The following FAM228B variants were observed in gnomAD, a reference collection of about 807,000 sequenced individuals.
The protein encoded by FAM228B is family with sequence similarity 228 member B.
A neutral mutation model predicts 42.6 loss-of-function variants in FAM228B; 38 were observed. That is an observed-to-expected ratio of 0.89 (90% CI 0.69 to 1.17). FAM228B has a LOEUF of 1.17. Among genes scored for constraint, FAM228B ranks in the 50% most tolerant of loss-of-function variants. The probability of loss-of-function intolerance (pLI) is 0.00; values close to 1 mark genes in which losing one functional copy is unlikely to be tolerated. For missense variants in FAM228B, 344 were observed against 367.3 expected, an observed-to-expected ratio of 0.94 and a Z score of 0.52; for synonymous variants, 109 against 122.3, an observed-to-expected ratio of 0.89 and a Z score of 0.72.
intron 7 of FAM228B, among the ~76,000 whole-genome samples, chr2:24,158,042 T>TCCCTCAGTTA (rs1227638315): frequency 6.6e-6 from 1 of 152,066 alleles, no homozygotes; most frequent in African/African-American, 2.4e-5. Flanking sequence ...GATTCCTGTG[T>TCCCTCAGTTA]CCCTCAGTTA....
chr2:24,158,062 C>T (rs1254288397), intron 7 of FAM228B, among the ~76,000 whole-genome samples: 3 of 152,086 alleles, frequency 2.0e-5, no homozygotes, highest in Non-Finnish European at 2.9e-5. Context: ...AAAATGTGAT[C>T]TCTTTGGAAT....
chr2:24,082,835 A>G (rs1246038073), intron 2 of FAM228B: 1 of 1,537,594 alleles, frequency 6.5e-7, no homozygotes. Flanking sequence ...TGGCTGATTT[A>G]TGAAGGTGTT....
rs1418745651 is a variant in FAM228B at position 24,077,437 on chromosome 2, A to G, written c.-290+468A>G. On this transcript the variant is annotated intron_variant, in intron 1 of 10. Coordinates refer to the FAM228B transcript ENST00000613899. The surrounding 1 kb of genome is among the most constrained non-coding windows in gnomAD (Gnocchi z 5.5). ...GCCCCAGTCCGCGTGCCACCCTTCCAGTTCACTCTTTATTTCCTCATATCA... is the reference window on the plus strand; with the variant it reads ...GCCCCAGTCCGCGTGCCACCCTTCCGGTTCACTCTTTATTTCCTCATATCA... The G allele has an allele frequency of 1.0e-6, 1 of 974,960 alleles. No homozygotes were observed. Among genetic ancestry groups the G allele is most frequent in the Non-Finnish European group, 1.4e-6 (1 of 709,500 alleles). 60.4% of individuals were successfully genotyped at this position (974,960 alleles called of 1,614,324 possible).
intron 2 of FAM228B, among the ~76,000 whole-genome samples, chr2:24,087,549 G>A (rs1665288733): frequency 6.6e-6 from 1 of 152,068 alleles, no homozygotes; most frequent in South Asian, 2.1e-4. Context: ...AGGATGAGCT[G>A]GTCACCAGAA....
chr2:24,144,731 C>T (rs1324183119), intron 5 of FAM228B, among the ~76,000 whole-genome samples: 1 of 152,142 alleles, frequency 6.6e-6, no homozygotes, highest in Non-Finnish European at 1.5e-5. Context: ...AGGACAGGCC[C>T]CACCTGCAGC....
chr2:24,161,607 T>C lies in FAM228B; in HGVS notation c.788T>C (p.Ile263Thr), dbSNP rs1459851396. 4 of 1,519,324 alleles carry C rather than the reference T, an allele frequency of 2.6e-6. No homozygotes were observed. The highest frequency in any genetic ancestry group is 1.2e-5 in the South Asian group (1 of 83,310). 94.1% of individuals were successfully genotyped at this position (1,519,324 alleles called of 1,614,324 possible). A position where few individuals can be genotyped will look rare whatever the true frequency, so the allele number is the denominator to read the frequency against. ...TCCCAGGAAGAAGAAAAAACAGTTA[T>C]TTACAAGTAAGTCTGTTCTTCCATA... The part of the protein sequence containing the change: ...LESQEEEKTV[I>T]YKNKGSSFLE... Residue 263 changes from isoleucine (I) to threonine (T), a missense_variant, in exon 8 of 11, where the codon ATT (isoleucine) becomes ACT (threonine). Physicochemically the swap from Ile to Thr is moderately conservative, Grantham distance 89. Coordinates refer to ENST00000615575, the MANE Select transcript of FAM228B (RefSeq NM_001145710.2).
At chr2:24,083,301 G>A in intron 2 of FAM228B, 1 of 1,014,578 alleles carries the variant, frequency 9.9e-7, no homozygotes, top group Non-Finnish European at 1.4e-6. Flanking sequence ...AGAAGAAAAA[G>A]GAGAGGCCAT....
At chr2:24,108,900 C>CAAA (rs138273554) in intron 3 of FAM228B, among the ~76,000 whole-genome samples, 2 of 79,870 alleles carry the variant, frequency 2.5e-5, no homozygotes, top group Admixed American at 1.2e-4. Context: ...GAGTCCGTCT[C>CAAA]AAAAAAAAAA....
At chr2:24,149,063 C>CT (rs1220958721) in intron 7 of FAM228B, among the ~76,000 whole-genome samples, 1 of 152,188 alleles carries the variant, frequency 6.6e-6, no homozygotes, top group Non-Finnish European at 1.5e-5. Context: ...GGGTCTCATT[C>CT]TTTTTTATGG....
intron 7 of FAM228B, among the ~76,000 whole-genome samples, chr2:24,156,247 G>A (rs1026901636): frequency 6.6e-6 from 1 of 152,124 alleles, no homozygotes; most frequent in East Asian, 1.9e-4. Flanking sequence ...TCCTGGTTAT[G>A]GGAAATATCA....
intron 3 of FAM228B, 35 bp from the exon 4 acceptor site, chr2:24,137,874 A>G (rs1367726455): frequency 2.8e-6 from 4 of 1,431,666 alleles, no homozygotes; most frequent in Non-Finnish European, 3.7e-6. Context: ...AAGCTTTAGG[A>G]TAATATATTT....
At chr2:24,082,751 T>G in intron 2 of FAM228B, 1 of 1,236,612 alleles carries the variant, frequency 8.1e-7, no homozygotes, top group Non-Finnish European at 1.1e-6. Context: ...CCTTCTAACA[T>G]GGTTTGAGGA....
At chr2:24,123,253 T>C (rs1330733358), upstream of FAM228B, 2 of 151,788 alleles carry the variant, frequency 1.3e-5, no homozygotes, top group African/African-American at 2.4e-5. Context: ...GCCACCCCGC[T>C]CTGTGGTGCC....
chr2:24,126,637 G>A (rs935942077), intron 2 of FAM228B, among the ~76,000 whole-genome samples: 15 of 147,788 alleles, frequency 1.0e-4, no homozygotes, highest in Non-Finnish European at 2.1e-4. Flanking sequence ...TTGAGACAGA[G>A]TCTTGCTCTG....
intron 2 of FAM228B, among the ~76,000 whole-genome samples, chr2:24,091,381 C>T (rs551656163): frequency 1.3e-5 from 2 of 152,198 alleles, no homozygotes; most frequent in South Asian, 2.1e-4. Flanking sequence ...TGCAGTGAGC[C>T]GAGATCGCCA....
chr2:24,099,184 G>C (rs1665559681), intron 3 of FAM228B, among the ~76,000 whole-genome samples: 1 of 152,110 alleles, frequency 6.6e-6, no homozygotes, highest in African/African-American at 2.4e-5. Context: ...CATACTGAAT[G>C]GGGAAAAACT....
chr2:24,158,196 C>CCTTTTTTTTTTTTTT (rs1667199552), intron 7 of FAM228B, among the ~76,000 whole-genome samples: 1 of 53,200 alleles, frequency 1.9e-5, no homozygotes, highest in Admixed American at 3.4e-4. Flanking sequence ...TCTGAACCTC[C>CCTTTTTTTTTTTTTT]TTTTTTTTTT....
intron 3 of FAM228B, among the ~76,000 whole-genome samples, chr2:24,112,672 C>T (rs1462800751): frequency 6.6e-6 from 1 of 152,136 alleles, no homozygotes; most frequent in Middle Eastern, 3.2e-3. Context: ...GTGTATATTA[C>T]TTTTGTAATC....
chr2:24,077,712 A>C lies in FAM228B; in HGVS notation c.-290+743A>C, dbSNP rs1192351666. The C allele has an allele frequency of 1.2e-6, 2 of 1,613,772 alleles. No individual in the cohort carries two copies. ...CAGACGTTGGGGGCCCTCCGTGGAG[A>C]AGTGAGGCAGAATTTGCTCCGTGAA... On this transcript the variant is annotated intron_variant, in intron 1 of 10. Transcript: ENST00000613899. The surrounding 1 kb of genome is among the most constrained non-coding windows in gnomAD (Gnocchi z 5.5).
Sources: allele counts gnomAD v4.1 joint callset (sites outside exome capture counted in the v4.1 genomes callset), GRCh38; gene constraint gnomAD v4.1.1; non-coding constraint Gnocchi (gnomAD v3.1); transcripts MANE v1.5; gene names NCBI Gene and HGNC (gene_info 2026-07-23, HGNC 2026-07-21).